The following BORCS8 variants were observed in gnomAD, a reference collection of about 807,000 sequenced individuals.
BORCS8 encodes the protein BLOC-1 related complex subunit 8.
A neutral mutation model predicts 18.7 loss-of-function variants in BORCS8; 13 were observed. The ratio of observed to expected loss-of-function variants is 0.70; its 90% CI spans 0.45 to 1.11. The LOEUF (loss-of-function observed/expected upper bound fraction) is 1.11, where lower values mean the gene tolerates loss of function less well. Among genes scored for constraint, BORCS8 ranks in the 50% least tolerant of loss-of-function variants. BORCS8 has a pLI of 0.00. For synonymous variants in BORCS8, 68 were observed against 64.8 expected (o/e 1.05, Z -0.24); for missense variants, 165 against 165.7 (o/e 1.00, Z 0.02).
chr19:19,188,889 C>T (rs1256891700), intron 1 of BORCS8, among the ~76,000 whole-genome samples: 1 of 151,862 alleles, frequency 6.6e-6, no homozygotes, highest in Admixed American at 6.6e-5. Flanking sequence ...GGCTGGAGTG[C>T]AGTAGTGTAA....
At chr19:19,179,059 G>A (rs1220743155) in intron 5 of BORCS8, 1 of 152,548 alleles carries the variant, frequency 6.6e-6, no homozygotes, top group Non-Finnish European at 1.5e-5. Flanking sequence ...AAACGTGGAT[G>A]AGACACAGAG....
At chr19:19,191,129 G>T (rs2060468353) in intron 1 of BORCS8, among the ~76,000 whole-genome samples, 1 of 152,044 alleles carries the variant, frequency 6.6e-6, no homozygotes. Context: ...AAGGTGGGTG[G>T]ATCACTCGAG....
chr19:19,186,955 C>A lies in BORCS8; in HGVS notation c.88G>T (p.Val30Leu), dbSNP rs1000362990. ...TGCTCCTGCAGCCGGTACAGGGCCA[C>A]GGATGGCTCGTTGGCCAGGACGTAG... Reference protein sequence around the residue: ...SVYVLANEPSVALYRLQEHVR... With the variant: ...SVYVLANEPSLALYRLQEHVR... The change falls in exon 2 of 6, where the codon GTG becomes TTG. Residue 30 changes from valine (V) to leucine (L), a missense_variant. Val to Leu is a conservative substitution (Grantham distance 32). Transcript: ENST00000462790. 8 of 1,551,180 alleles carry A rather than the reference C, an allele frequency of 5.2e-6. No homozygotes were observed. Among genetic ancestry groups the A allele is most frequent in the Non-Finnish European group, 6.1e-6 (7 of 1,146,914 alleles).
intron 4 of BORCS8, chr19:19,181,784 T>C (rs1372459761): frequency 1.2e-6 from 1 of 862,130 alleles, no homozygotes; most frequent in Admixed American, 6.2e-5. Context: ...ATGCTTTCTT[T>C]CTTTTGCCCA....
At chr19:19,184,468 A>T (rs1425522693) in intron 3 of BORCS8, among the ~76,000 whole-genome samples, 1 of 151,078 alleles carries the variant, frequency 6.6e-6, no homozygotes, top group African/African-American at 2.4e-5. Flanking sequence ...CACCTGGCTA[A>T]TTTTTTTGTA....
intron 3 of BORCS8, 102 bp downstream of exon 3, chr19:19,185,932 G>T: frequency 8.3e-7 from 1 of 1,209,678 alleles, no homozygotes; most frequent in Non-Finnish European, 1.2e-6. Context: ...GGTAGGCCTG[G>T]CAGGGTGGGG....
intron 5 of BORCS8, chr19:19,180,364 G>C: frequency 2.5e-6 from 1 of 397,970 alleles, no homozygotes; most frequent in South Asian, 2.7e-5. Context: ...CTGGCACGTG[G>C]TAGGATAGAG....
Position 19,182,475 on chromosome 19 carries a change from A to G in BORCS8, c.326+98T>C. The G allele has an allele frequency of 6.8e-7, 1 of 1,471,596 alleles. No individual in the cohort carries two copies. Among genetic ancestry groups the G allele is most frequent in the East Asian group, 2.5e-5 (1 of 40,038 alleles). The allele number at this position is 1,471,596 out of a possible 1,614,324, so 91.2% of individuals were successfully genotyped here. On this transcript the variant is annotated intron_variant, in intron 4 of 5. Transcript: ENST00000462790. This position sits in a 1 kb window ranked among gnomAD's most constrained non-coding sequence, Gnocchi z 4.1. ...GACACCAGGACAAAAGGAAAGAGAC[A>G]GTTTTCTAATAAGCGAGAAGCAGCG...
intron 3 of BORCS8, among the ~76,000 whole-genome samples, chr19:19,184,071 T>C (rs558424860): frequency 1.0e-4 from 15 of 149,818 alleles, no homozygotes; most frequent in Admixed American, 5.3e-4. Context: ...TTAGTAGAGA[T>C]AGGGTTGCAC....
rs906880296 is a variant in BORCS8, at chr19:19,187,543, CTTTTT to C, written c.38-543_38-539del. 1.1e-4 allele frequency among the ~76,000 whole-genome samples: 16 copies of C among 140,552 alleles called. 1 individual carries two copies. In the South Asian group the frequency reaches 1.1e-3, roughly 10 times the overall value. 92.2% of individuals were successfully genotyped at this position (140,552 alleles called of 152,430 possible). On this transcript the variant is annotated intron_variant, in intron 1 of 5. Transcript: ENST00000462790. ...TGATGAGTTCATAACGAGTAAACTT[CTTTTT>C]TTTTTTTTTGAGACAGAGTCTTGCT...
At chr19:19,183,179 C>T (rs921411521) in intron 3 of BORCS8, among the ~76,000 whole-genome samples, 10 of 152,034 alleles carry the variant, frequency 6.6e-5, no homozygotes, top group Non-Finnish European at 1.0e-4. Flanking sequence ...GAGGCTGAGG[C>T]GGGTGGATCA....
Position 19,186,069 on chromosome 19 carries a change from G to A in BORCS8, c.180C>T (p.Ser60=). The A allele has an allele frequency of 1.3e-6, 2 of 1,551,006 alleles. No individual in the cohort carries two copies. Among genetic ancestry groups the A allele is most frequent in the Non-Finnish European group, 1.7e-6 (2 of 1,146,882 alleles). The stretch of plus-strand genomic sequence containing the variant: ...ACTCCACAGTGTAGATGGCTCCCTG[G>A]CTCTGCTCCTCCCAACGCTGCATGT... ...KADMQRWEEQ[S]QGAIYTVEYA... Residue 60 remains serine, a synonymous_variant, in exon 3 of 6, where the codon AGC becomes AGT. Coordinates refer to ENST00000462790, the MANE Select transcript of BORCS8 (RefSeq NM_001145784.2).
chr19:19,187,051 G>A (rs775188760), intron 1 of BORCS8, 46 bp from the exon 2 acceptor site: 58 of 1,424,836 alleles, frequency 4.1e-5, no homozygotes, highest in Non-Finnish European at 4.8e-5. Flanking sequence ...GAGACAAAGC[G>A]TCAGCCTCCT....
At position 19,192,136 on chromosome 19, in the gene BORCS8, A is replaced by T; in HGVS notation, c.-19T>A. 1.9e-6 allele frequency: 3 copies of T among 1,551,102 alleles called. No individual in the cohort carries two copies. The highest frequency in any genetic ancestry group is 2.6e-6 in the Non-Finnish European group (3 of 1,146,854). On this transcript the variant is annotated 5_prime_UTR_variant, in exon 1 of 6. Coordinates refer to ENST00000462790, the MANE Select transcript of BORCS8 (RefSeq NM_001145784.2). ...CCTCCATAGCGACCGCGGCCGAGCG[A>T]ACCGGGAAACGGCACCGGAAGCCCG...
At position 19,182,461 on chromosome 19, in the gene BORCS8, AAAAGG is replaced by A. The variant is rs1423859738; in HGVS notation, c.326+107_326+111del. On this transcript the variant is annotated intron_variant, in intron 4 of 5. Coordinates refer to ENST00000462790, the MANE Select transcript of BORCS8 (RefSeq NM_001145784.2). This position sits in a 1 kb window ranked among gnomAD's most constrained non-coding sequence, Gnocchi z 4.1. Reference sequence around the variant, plus strand: ...AGAGGAGGTCACCAGACACCAGGACAAAAGGAAAGAGACAGTTTTCTAATAAGCGA... The same window carrying A: ...AGAGGAGGTCACCAGACACCAGGACAAAAGAGACAGTTTTCTAATAAGCGA... 3 of 1,456,854 alleles carry A rather than the reference AAAAGG, an allele frequency of 2.1e-6. No individual in the cohort carries two copies. The highest frequency in any genetic ancestry group is 2.7e-6 in the Non-Finnish European group (3 of 1,105,706). 90.2% of individuals were successfully genotyped at this position (1,456,854 alleles called of 1,614,324 possible). A position where few individuals can be genotyped will look rare whatever the true frequency, so the allele number is the denominator to read the frequency against.
At chr19:19,181,975 G>A in intron 4 of BORCS8, 1 of 985,488 alleles carries the variant, frequency 1.0e-6, no homozygotes, top group Non-Finnish European at 1.2e-6. Flanking sequence ...AGGACTGTGA[G>A]TGCTTTTCGT....
intron 1 of BORCS8, among the ~76,000 whole-genome samples, chr19:19,190,625 C>T (rs1337311182): frequency 6.6e-6 from 1 of 152,162 alleles, no homozygotes; most frequent in African/African-American, 2.4e-5. Context: ...CCCGTTTCTA[C>T]TGAAAATACA....
intron 1 of BORCS8, among the ~76,000 whole-genome samples, chr19:19,191,179 C>T (rs1428887673): frequency 6.6e-6 from 1 of 151,952 alleles, no homozygotes; most frequent in Non-Finnish European, 1.5e-5. Context: ...AAGGTGAAAC[C>T]CCGTCTCTAC....
intron 5 of BORCS8, chr19:19,178,955 A>G (rs535979741): frequency 4.4e-4 from 65 of 148,182 alleles, no homozygotes; most frequent in African/African-American, 1.5e-3. Context: ...GTGAGACTCC[A>G]TCTCAAAAAA....
Sources: gnomAD v4.1 joint callset for allele counts (sites outside exome capture counted in the v4.1 genomes callset) on GRCh38, gnomAD v4.1.1 for gene constraint, Gnocchi (gnomAD v3.1) non-coding constraint, MANE v1.5 for transcripts, NCBI Gene and HGNC (gene_info 2026-07-23, HGNC 2026-07-21) for gene names.